CERT1: variants seen among roughly 807,000 people sequenced by gnomAD.
CERT1 encodes ceramide transporter 1.
A neutral mutation model predicts 87.9 loss-of-function variants in CERT1; 31 were observed. That is an observed-to-expected ratio of 0.35 (90% confidence interval 0.27 to 0.48). The LOEUF (loss-of-function observed/expected upper bound fraction) is 0.48, where lower values mean the gene tolerates loss of function less well. Ranked by LOEUF, CERT1 falls within the 20% of genes least tolerant of loss-of-function variation. The pLI is 0.99. For synonymous variants in CERT1, 289 were observed against 250.9 expected (o/e 1.15, Z -1.44); for missense variants, 487 against 758.0 (o/e 0.64, Z 4.20).
downstream of CERT1, chr5:75,375,214 T>A (rs898037120): frequency 9.8e-5 from 15 of 153,544 alleles, no homozygotes; most frequent in African/African-American, 3.4e-4. Flanking sequence ...ATTTAAAAAA[T>A]GTATTCAAGC....
intron 2 of CERT1, among the ~76,000 whole-genome samples, chr5:75,477,765 AT>A (rs538300547): frequency 6.6e-6 from 1 of 152,072 alleles, no homozygotes; most frequent in Non-Finnish European, 1.5e-5. Flanking sequence ...TATAAAAAAA[AT>A]CACATCAAGG....
At chr5:75,425,306 A>T in intron 5 of CERT1, 55 bp downstream of exon 5, 1 of 1,526,772 alleles carries the variant, frequency 6.5e-7, no homozygotes, top group Non-Finnish European at 9.0e-7. Flanking sequence ...TGAGATCAAG[A>T]GGCTTTTAAT....
At chr5:75,451,050 C>T (rs1764749190) in intron 3 of CERT1, among the ~76,000 whole-genome samples, 1 of 152,116 alleles carries the variant, frequency 6.6e-6, no homozygotes, top group Non-Finnish European at 1.5e-5. Flanking sequence ...ACTTTATAAA[C>T]CCTCGACAAC....
At chr5:75,380,657 G>A (rs1345206061) in intron 16 of CERT1, among the ~76,000 whole-genome samples, 2 of 151,700 alleles carry the variant, frequency 1.3e-5, no homozygotes, top group Non-Finnish European at 2.9e-5. Flanking sequence ...GCGTGGTTGT[G>A]GGCACCTGTA....
chr5:75,484,556 GA>G (rs934770846), intron 2 of CERT1, among the ~76,000 whole-genome samples: 3 of 149,594 alleles, frequency 2.0e-5, no homozygotes, highest in Admixed American at 6.6e-5. Flanking sequence ...AATGGAAAAA[GA>G]TATTCCATGC....
intron 14 of CERT1, 26 bp from the exon 15 acceptor site, chr5:75,382,103 A>G: frequency 6.2e-7 from 1 of 1,604,592 alleles, no homozygotes. Context: ...AATCTTTTGA[A>G]AAACAGATCT....
chr5:75,400,083 G>C, intron 10 of CERT1, 122 bp downstream of exon 10: 1 of 689,242 alleles, frequency 1.5e-6, no homozygotes, highest in Non-Finnish European at 2.5e-6. Context: ...AGTGAGCCGA[G>C]ATCGCGCCAC....
Position 75,380,268 on chromosome 5 carries a change from A to G in CERT1, c.1748-795T>C, listed in dbSNP as rs78730033. Among the ~76,000 whole-genome samples the G allele has an allele frequency of 2.1e-3, 315 of 152,338 alleles. No individual in the cohort carries two copies. The East Asian group carries it at 0.027, about 13-fold the overall frequency. On this transcript the variant is annotated intron_variant, in intron 16 of 16. Transcript: ENST00000643780. ...AACAAATATATGTAACTAGCAACTAATAAGGACTAGGGAAACGCTGACTCA... is the reference window on the plus strand; with the variant it reads ...AACAAATATATGTAACTAGCAACTAGTAAGGACTAGGGAAACGCTGACTCA...
In CERT1 at chr5:75,473,346, A is replaced by G. The variant is rs536697538; in HGVS notation, c.232-14165T>C. Among the ~76,000 whole-genome samples the G allele has an allele frequency of 3.9e-5, 6 of 152,294 alleles. No homozygotes were observed. In the South Asian group the frequency reaches 1.2e-3, roughly 32 times the overall value. On this transcript the variant is annotated intron_variant, in intron 2 of 16. Coordinates refer to ENST00000643780, the MANE Select transcript of CERT1 (RefSeq NM_001379029.1). ...AGTGATCCTCCAGTCTGGACCTCCC[A>G]AAGTGCTGGAATTACAGGCATGAGC...
At chr5:75,475,896 C>A (rs1765931339) in intron 2 of CERT1, among the ~76,000 whole-genome samples, 1 of 152,058 alleles carries the variant, frequency 6.6e-6, no homozygotes, top group Admixed American at 6.6e-5. Flanking sequence ...AAACTTATTT[C>A]ACTGGATTTT....
In CERT1 at chr5:75,511,377, G is replaced by A; in HGVS notation, c.-170C>T. The stretch of plus-strand genomic sequence containing the variant: ...AGTCCGCCCGCCGCGCCGCCGCCGC[G>A]CCTGACACCGAGCGGAGCGAGGAAG... On this transcript the variant is annotated 5_prime_UTR_variant, in exon 1 of 17. Transcript: ENST00000643780. The A allele has an allele frequency of 6.5e-7, 1 of 1,546,462 alleles. No individual in the cohort carries two copies. Among genetic ancestry groups the A allele is most frequent in the Non-Finnish European group, 8.7e-7 (1 of 1,145,842 alleles).
At chr5:75,511,968 G>T, upstream of CERT1, 2 of 685,604 alleles carry the variant, frequency 2.9e-6, no homozygotes, top group Non-Finnish European at 2.4e-6. Context: ...TCAGTCGGTG[G>T]GTGGGCTTCG....
At chr5:75,379,788 T>C (rs1272245192) in intron 16 of CERT1, among the ~76,000 whole-genome samples, 1 of 152,154 alleles carries the variant, frequency 6.6e-6, no homozygotes, top group Non-Finnish European at 1.5e-5. Flanking sequence ...TTTCACCATG[T>C]TGGCTAGGAT....
chr5:75,486,958 C>T (rs1353482356), intron 2 of CERT1, among the ~76,000 whole-genome samples: 9 of 151,956 alleles, frequency 5.9e-5, no homozygotes, highest in Middle Eastern at 3.4e-3. Flanking sequence ...ACAATGACAT[C>T]GTTCACCAAA....
intron 3 of CERT1, among the ~76,000 whole-genome samples, chr5:75,450,034 A>G (rs1023080002): frequency 6.6e-6 from 1 of 152,162 alleles, no homozygotes; most frequent in African/African-American, 2.4e-5. Flanking sequence ...AATCTTCCCA[A>G]TCCTTTTACT....
chr5:75,439,062 C>A (rs1382636875), intron 3 of CERT1, among the ~76,000 whole-genome samples: 2 of 151,768 alleles, frequency 1.3e-5, no homozygotes, highest in African/African-American at 4.8e-5. Context: ...AAAATAGTAA[C>A]CTTTAGACTA....
chr5:75,402,830 G>T, intron 9 of CERT1, 142 bp downstream of exon 9: 14 of 482,172 alleles, frequency 2.9e-5, no homozygotes, highest in East Asian at 6.8e-5. Flanking sequence ...TTTTACATTT[G>T]TGACTCAATG....
In CERT1 at chr5:75,419,369, C is replaced by G; in HGVS notation, c.651G>C (p.Leu217Phe). The part of the protein sequence containing the change: ...FPTTRSDGDF[L>F]HSTNGNKEKL... ...TTTCTTTATTGCCGTTGGTACTATG[C>G]AAGAAGTCACCATCAGAACGCGTTG... is the stretch of plus-strand genomic sequence containing the variant. The change falls in exon 6 of 17, where the codon TTG becomes TTC. Residue 217 changes from leucine to phenylalanine, a missense_variant. Around this residue, in one of 8 missense-constraint regions of CERT1, gnomAD observed 173 missense variants for 302.2 expected, o/e 0.57. Coordinates refer to ENST00000643780, the MANE Select transcript of CERT1 (RefSeq NM_001379029.1). 3 of 1,612,700 alleles carry G rather than the reference C, an allele frequency of 1.9e-6. No homozygotes were observed. The highest frequency in any genetic ancestry group is 2.5e-6 in the Non-Finnish European group (3 of 1,178,974).
At chr5:75,496,709 C>T (rs1767086505) in intron 2 of CERT1, among the ~76,000 whole-genome samples, 1 of 152,046 alleles carries the variant, frequency 6.6e-6, no homozygotes, top group Admixed American at 6.5e-5. Flanking sequence ...AAGTTAAAAG[C>T]CAGACACAAA....
Sources: gnomAD v4.1 joint callset for allele counts (sites outside exome capture counted in the v4.1 genomes callset) on GRCh38, gnomAD v4.1.1 for gene constraint, gnomAD v4.1.1 regional missense constraint, MANE v1.5 for transcripts, NCBI Gene and HGNC (gene_info 2026-07-23, HGNC 2026-07-21) for gene names.